ZNF407: variants seen among roughly 807,000 people sequenced by gnomAD.
ZNF407 encodes zinc finger protein 407.
In ZNF407, 17 loss-of-function variants were observed where a neutral mutation model predicts 131.2. The ratio of observed to expected loss-of-function variants is 0.13; its 90% CI spans 0.09 to 0.19. ZNF407 has a LOEUF of 0.19. ZNF407 is among the 10% of genes least tolerant of loss of function. The probability of loss-of-function intolerance (pLI) is 1.00; values close to 1 mark genes in which losing one functional copy is unlikely to be tolerated. For missense variants in ZNF407, 2,681 were observed against 2,830.6 expected (o/e 0.95, Z 1.20); for synonymous variants, 1,156 against 1,062.0 (o/e 1.09, Z -1.72).
At chr18:75,020,635 A>G (rs1254532057) in intron 8 of ZNF407, among the ~76,000 whole-genome samples, 2 of 152,212 alleles carry the variant, frequency 1.3e-5, no homozygotes. Flanking sequence ...GTCTTTCTAT[A>G]TTAGAGCTAT....
chr18:74,607,631 AG>A (rs532423010), intron 1 of ZNF407, among the ~76,000 whole-genome samples: 175 of 152,298 alleles, frequency 1.1e-3, no homozygotes, highest in African/African-American at 3.9e-3. Context: ...TTTCTGTGAA[AG>A]GGTGTCCAGA....
chr18:74,711,938 A>G (rs1270507431), intron 3 of ZNF407, among the ~76,000 whole-genome samples: 2 of 152,090 alleles, frequency 1.3e-5, no homozygotes, highest in Middle Eastern at 3.2e-3. Flanking sequence ...TTGAACTCCC[A>G]AACTCAAGTG....
intron 7 of ZNF407, among the ~76,000 whole-genome samples, chr18:74,911,173 A>G (rs1166359504): frequency 1.3e-5 from 2 of 151,968 alleles, no homozygotes; most frequent in African/African-American, 4.9e-5. Context: ...CTCTGCCAAT[A>G]TGTCATATGT....
intron 4 of ZNF407, among the ~76,000 whole-genome samples, chr18:74,823,628 A>G (rs1362215718): frequency 1.3e-5 from 2 of 152,224 alleles, no homozygotes; most frequent in African/African-American, 4.8e-5. Context: ...GCATTACATA[A>G]TGGTAAAGGT....
At chr18:74,734,750 G>A (rs1165595691) in intron 3 of ZNF407, among the ~76,000 whole-genome samples, 2 of 151,214 alleles carry the variant, frequency 1.3e-5, no homozygotes, top group East Asian at 3.9e-4. Context: ...CGTGACTTCG[G>A]GTGTTCTAGG....
intron 8 of ZNF407, among the ~76,000 whole-genome samples, chr18:75,027,378 T>G (rs1392174761): frequency 1.3e-5 from 2 of 152,174 alleles, no homozygotes; most frequent in Non-Finnish European, 2.9e-5. Flanking sequence ...GGAGGATGGT[T>G]TGGGAGGACG....
At chr18:74,917,361 C>CG (rs1971786858) in intron 7 of ZNF407, among the ~76,000 whole-genome samples, 2 of 152,082 alleles carry the variant, frequency 1.3e-5, no homozygotes, top group Non-Finnish European at 1.5e-5. Flanking sequence ...CATAAAAACA[C>CG]GGTGTGTATA....
At chr18:74,856,176 A>G (rs1300593934) in intron 4 of ZNF407, among the ~76,000 whole-genome samples, 1 of 152,254 alleles carries the variant, frequency 6.6e-6, no homozygotes, top group Non-Finnish European at 1.5e-5. Context: ...GATCATTAGC[A>G]TATCATGCTG....
At chr18:74,900,696 C>T (rs957369308) in intron 7 of ZNF407, among the ~76,000 whole-genome samples, 2 of 152,122 alleles carry the variant, frequency 1.3e-5, no homozygotes, top group African/African-American at 4.8e-5. Context: ...CATCATAAGC[C>T]AGTTGAAGAG....
At chr18:74,917,291 T>C (rs1971785788) in intron 7 of ZNF407, among the ~76,000 whole-genome samples, 1 of 152,200 alleles carries the variant, frequency 6.6e-6, no homozygotes, top group Non-Finnish European at 1.5e-5. Flanking sequence ...GCTTCTGGTA[T>C]GTATATGTTT....
intron 4 of ZNF407, among the ~76,000 whole-genome samples, chr18:74,826,644 C>A (rs540278599): frequency 6.6e-6 from 1 of 152,278 alleles, no homozygotes; most frequent in South Asian, 2.1e-4. Flanking sequence ...AGAATTCCTG[C>A]ATCCACTGGA....
At chr18:74,983,384 G>A (rs188219432) in intron 8 of ZNF407, among the ~76,000 whole-genome samples, 49 of 152,286 alleles carry the variant, frequency 3.2e-4, no homozygotes, top group African/African-American at 1.1e-3. Flanking sequence ...TCCTAAAGAA[G>A]TGTTCACTTT....
chr18:74,696,185 T>C (rs1388366257), intron 3 of ZNF407, among the ~76,000 whole-genome samples: 3 of 152,292 alleles, frequency 2.0e-5, no homozygotes, highest in Middle Eastern at 3.4e-3. Context: ...TGCTGGCTGT[T>C]GGAGTGGTGA....
At chr18:74,967,097 C>T (rs984251103) in intron 8 of ZNF407, among the ~76,000 whole-genome samples, 1 of 152,016 alleles carries the variant, frequency 6.6e-6, no homozygotes, top group Non-Finnish European at 1.5e-5. Context: ...CTCGTCTCTA[C>T]AAAATATTTA....
chr18:75,060,669 C>G (rs1973620768), intron 8 of ZNF407, among the ~76,000 whole-genome samples: 1 of 151,958 alleles, frequency 6.6e-6, no homozygotes, highest in Non-Finnish European at 1.5e-5. Flanking sequence ...CCGCGCCCGG[C>G]TAATTTTTTG....
chr18:74,767,902 A>G lies in ZNF407; in HGVS notation c.4803-13526A>G, dbSNP rs917392873. ...AGGATGGTCTCGATTTCCTGACCTC[A>G]TGATCCACCCACCTTGGCCTCCCAA... On this transcript the variant is annotated intron_variant, in intron 3 of 8. Coordinates refer to ENST00000299687, the MANE Select transcript of ZNF407 (RefSeq NM_017757.3). Among the ~76,000 whole-genome samples the G allele has an allele frequency of 3.4e-5, 5 of 146,042 alleles. No homozygotes were observed. In the East Asian group the frequency reaches 8.1e-4, roughly 24 times the overall value.
chr18:74,862,689 A>C (rs1599204465), intron 4 of ZNF407, among the ~76,000 whole-genome samples: 1 of 152,192 alleles, frequency 6.6e-6, no homozygotes, highest in African/African-American at 2.4e-5. Context: ...TTGTCAAATA[A>C]ATTTATTTTA....
intron 6 of ZNF407, among the ~76,000 whole-genome samples, chr18:74,882,905 CTG>C (rs1278889082): frequency 2.0e-5 from 3 of 152,180 alleles, no homozygotes; most frequent in Admixed American, 6.5e-5. Flanking sequence ...CAAATTGTTA[CTG>C]TTTAAATGCC....
intron 4 of ZNF407, among the ~76,000 whole-genome samples, chr18:74,838,766 A>G (rs1213896928): frequency 6.6e-6 from 1 of 152,160 alleles, no homozygotes; most frequent in Non-Finnish European, 1.5e-5. Context: ...AAATGAGTAT[A>G]TGTTGGGCTA....
Sources: allele counts gnomAD v4.1 joint callset (sites outside exome capture counted in the v4.1 genomes callset), GRCh38; gene constraint gnomAD v4.1.1; transcripts MANE v1.5; gene names NCBI Gene and HGNC (gene_info 2026-07-23, HGNC 2026-07-21).